UGGT2: variants seen among roughly 807,000 people sequenced by gnomAD.
The protein encoded by UGGT2 is UDP-glucose:glycoprotein glucosyltransferase 2.
Under a neutral mutation model 192.1 loss-of-function variants are expected in UGGT2, and 180 were observed. The observed-to-expected ratio is 0.94, with a 90% CI of 0.83 to 1.06. The LOEUF is 1.06. Ranked by LOEUF, UGGT2 falls within the 50% of genes least tolerant of loss-of-function variation. The pLI is 0.00. For missense variants in UGGT2, 1,849 were observed against 1,795.7 expected (o/e 1.03, Z -0.54); for synonymous variants, 580 against 591.0 (o/e 0.98, Z 0.27).
At chr13:95,887,278 T>C in intron 26 of UGGT2, 1 of 516,330 alleles carries the variant, frequency 1.9e-6, no homozygotes, top group Non-Finnish European at 3.9e-6. Flanking sequence ...CATACCCTGT[T>C]TTCTGCCCAA....
At chr13:95,871,963 C>G (rs1245817424) in intron 29 of UGGT2, among the ~76,000 whole-genome samples, 1 of 55,150 alleles carries the variant, frequency 1.8e-5, no homozygotes, top group Non-Finnish European at 4.4e-5. Flanking sequence ...ACATCTCTGT[C>G]CTTCCTCCTA....
At chr13:95,807,515 T>C (rs1884362313) in intron 38 of UGGT2, among the ~76,000 whole-genome samples, 1 of 152,200 alleles carries the variant, frequency 6.6e-6, no homozygotes, top group Non-Finnish European at 1.5e-5. Context: ...AAGCAGTCTT[T>C]AATAATTGGA....
chr13:95,964,039 A>G (rs1210542075), intron 12 of UGGT2, among the ~76,000 whole-genome samples: 2 of 152,180 alleles, frequency 1.3e-5, no homozygotes, highest in African/African-American at 4.8e-5. Context: ...ATCCAAAGCC[A>G]AAACTGGATG....
At chr13:95,941,116 A>G (rs2049665573) in intron 15 of UGGT2, among the ~76,000 whole-genome samples, 1 of 152,220 alleles carries the variant, frequency 6.6e-6, no homozygotes, top group Non-Finnish European at 1.5e-5. Context: ...AGACATAAGT[A>G]TGAACACTCA....
intron 8 of UGGT2, 36 bp downstream of exon 8, chr13:95,989,937 C>A: frequency 7.0e-7 from 1 of 1,426,142 alleles, no homozygotes; most frequent in Non-Finnish European, 9.6e-7. Context: ...GATCAGTTAC[C>A]AAAATGCTGT....
rs763878998 is a variant in UGGT2, at chr13:95,970,142, A to G, written c.1305T>C (p.Tyr435=). The change falls in exon 12 of 39, where the codon TAT becomes TAC. Residue 435 remains tyrosine (Y), a synonymous_variant. Transcript: ENST00000376747. The stretch of plus-strand genomic sequence containing the variant: ...TAGAAGAATGTCGAATATCTAATAC[A>G]TAAGTATATTCCCAAATGTGTGAAT... The part of the protein sequence containing the change: ...KLNSHIWEYT[Y]VLDIRHSSIM... 3.7e-6 allele frequency: 6 copies of G among 1,609,360 alleles called. No homozygotes were observed. Among genetic ancestry groups the G allele is most frequent in the South Asian group, 2.2e-5 (2 of 90,850 alleles).
chr13:95,925,989 A>C (rs1233642456), intron 19 of UGGT2, among the ~76,000 whole-genome samples: 1 of 152,098 alleles, frequency 6.6e-6, no homozygotes, highest in African/African-American at 2.4e-5. Context: ...AAATGCTACA[A>C]GGGTAATTCA....
intron 34 of UGGT2, among the ~76,000 whole-genome samples, 184 bp downstream of exon 34, chr13:95,855,974 C>T (rs907863749): frequency 2.6e-5 from 4 of 152,080 alleles, no homozygotes; most frequent in Admixed American, 1.3e-4. Flanking sequence ...TCTTACAATA[C>T]CTTCAATTTT....
At chr13:96,022,379 T>C (rs896959916) in intron 4 of UGGT2, among the ~76,000 whole-genome samples, 2 of 151,884 alleles carry the variant, frequency 1.3e-5, no homozygotes, top group Admixed American at 1.3e-4. Flanking sequence ...ACAGGAAAAT[T>C]TGGCTACATA....
intron 20 of UGGT2, among the ~76,000 whole-genome samples, chr13:95,918,984 C>G (rs1363774811): frequency 6.6e-6 from 1 of 152,162 alleles, no homozygotes; most frequent in African/African-American, 2.4e-5. Flanking sequence ...AAACTACTAG[C>G]AAACCAAATT....
At chr13:95,850,795 T>C (rs998128876) in intron 36 of UGGT2, among the ~76,000 whole-genome samples, 2 of 152,216 alleles carry the variant, frequency 1.3e-5, no homozygotes, top group African/African-American at 4.8e-5. Flanking sequence ...TATGTATGGG[T>C]TTGCCTTTCT....
intron 20 of UGGT2, among the ~76,000 whole-genome samples, chr13:95,904,869 AC>A (rs1198702786): frequency 1.3e-5 from 2 of 151,508 alleles, no homozygotes; most frequent in African/African-American, 2.4e-5. Context: ...AGGAATCGCC[AC>A]ACTGACTTCC....
intron 10 of UGGT2, among the ~76,000 whole-genome samples, chr13:95,980,832 A>G (rs999727853): frequency 6.6e-6 from 1 of 152,274 alleles, no homozygotes; most frequent in East Asian, 1.9e-4. Context: ...CCCTGTCTCT[A>G]CTAAAAATAC....
chr13:96,047,915 T>C (rs989268536), intron 1 of UGGT2, among the ~76,000 whole-genome samples: 31 of 152,032 alleles, frequency 2.0e-4, no homozygotes, highest in African/African-American at 7.2e-4. Context: ...CTGTCAACAT[T>C]AGACAGATCA....
chr13:95,825,395 T>G (rs1199076818), intron 38 of UGGT2, among the ~76,000 whole-genome samples: 1 of 151,838 alleles, frequency 6.6e-6, no homozygotes, highest in Non-Finnish European at 1.5e-5. Context: ...AGGGGAAGAG[T>G]GAGAGCCACC....
rs113289899 is a variant in UGGT2 at position 95,907,139 on chromosome 13, C to T, written c.2296-4079G>A. Among the ~76,000 whole-genome samples, 136 of 152,350 alleles carry T rather than the reference C, an allele frequency of 8.9e-4. 1 individual carries two copies. The highest frequency in any genetic ancestry group is 2.8e-3 in the African/African-American group (116 of 41,588). ...CCCGACACGGCAGGTCCCACACCCA[C>T]GGAGCCTTGCTCACTGCTAGCGCAG... On this transcript the variant is annotated intron_variant, in intron 20 of 38. Coordinates refer to ENST00000376747, the MANE Select transcript of UGGT2 (RefSeq NM_020121.4).
intron 20 of UGGT2, among the ~76,000 whole-genome samples, chr13:95,907,557 G>C (rs938024054): frequency 1.3e-5 from 2 of 152,154 alleles, no homozygotes; most frequent in African/African-American, 4.8e-5. Context: ...GAAGGATCAG[G>C]CAGCAATATT....
intron 27 of UGGT2, among the ~76,000 whole-genome samples, chr13:95,881,075 G>A (rs2047479598): frequency 6.6e-6 from 1 of 152,140 alleles, no homozygotes; most frequent in South Asian, 2.1e-4. Context: ...TCGGGGGGCT[G>A]GGACAGGAGA....
At chr13:96,000,564 A>G (rs1470999665) in intron 5 of UGGT2, among the ~76,000 whole-genome samples, 3 of 152,226 alleles carry the variant, frequency 2.0e-5, no homozygotes, top group African/African-American at 2.4e-5. Context: ...TTTCAATTTC[A>G]TAACAGCTCA....
Sources: allele counts gnomAD v4.1 joint callset (sites outside exome capture counted in the v4.1 genomes callset), GRCh38; gene constraint gnomAD v4.1.1; transcripts MANE v1.5; gene names NCBI Gene and HGNC (gene_info 2026-07-23, HGNC 2026-07-21).